KAZN: variants seen among roughly 807,000 people sequenced by gnomAD.
KAZN encodes the protein kazrin.
In KAZN, 40 loss-of-function variants were observed where a neutral mutation model predicts 87.4. That is an observed-to-expected ratio of 0.46 (90% confidence interval 0.36 to 0.60). KAZN has a LOEUF of 0.60. KAZN is among the 20% of genes least tolerant of loss of function. The pLI, the probability that KAZN is intolerant of heterozygous loss-of-function variation, is 0.00. For synonymous variants in KAZN, 466 were observed against 458.3 expected, an observed-to-expected ratio of 1.02 and a Z score of -0.22; for missense variants, 898 against 1,073.9, an observed-to-expected ratio of 0.84 and a Z score of 2.29.
chr1:13,958,368 A>T (rs1232125897), intron 1 of KAZN, among the ~76,000 whole-genome samples: 1 of 152,088 alleles, frequency 6.6e-6, no homozygotes, highest in Non-Finnish European at 1.5e-5. Flanking sequence ...CAGAGGATAG[A>T]GACCATCCTG....
chr1:14,986,983 C>CA (rs1553167685), intron 2 of KAZN, among the ~76,000 whole-genome samples: 22 of 151,892 alleles, frequency 1.4e-4, no homozygotes, highest in African/African-American at 5.3e-4. Flanking sequence ...AATTGACCTC[C>CA]GATGCATGCC....
chr1:14,775,100 A>T (rs1236083675), intron 1 of KAZN, among the ~76,000 whole-genome samples: 1 of 152,116 alleles, frequency 6.6e-6, no homozygotes, highest in East Asian at 1.9e-4. Context: ...TTTACAATAG[A>T]CAGTGCTTGG....
At chr1:14,159,961 G>T in intron 1 of KAZN, among the ~76,000 whole-genome samples, 1 of 152,198 alleles carries the variant, frequency 6.6e-6, no homozygotes, top group Non-Finnish European at 1.5e-5. Flanking sequence ...CTGTGGCTGA[G>T]CTGGTATCCA....
At chr1:13,964,014 C>A (rs1454915286) in intron 1 of KAZN, among the ~76,000 whole-genome samples, 1 of 152,164 alleles carries the variant, frequency 6.6e-6, no homozygotes, top group African/African-American at 2.4e-5. Context: ...GCTGATTGAT[C>A]ACAGAGCTTG....
chr1:14,950,090 A>G (rs182135477), intron 1 of KAZN, among the ~76,000 whole-genome samples: 72 of 152,146 alleles, frequency 4.7e-4, no homozygotes, highest in African/African-American at 1.6e-3. Context: ...CTCCACACCC[A>G]CCCGTAGTAA....
In KAZN at chr1:14,292,286, G is replaced by A. The variant is rs903181055; in HGVS notation, c.249+111694G>A. On this transcript the variant is annotated intron_variant, in intron 2 of 16. Coordinates refer to the KAZN transcript ENST00000636203. ...CTTTTGTCTTCTGATCAGCTCAGCT[G>A]TTTTCTGTTCTGGCAGTATTCAGGG... Among the ~76,000 whole-genome samples, 4 of 152,336 alleles carry A rather than the reference G, an allele frequency of 2.6e-5. No homozygotes were observed. The South Asian group carries it at 8.3e-4, about 32-fold the overall frequency.
chr1:14,255,050 G>A (rs1309438045), intron 2 of KAZN, among the ~76,000 whole-genome samples: 4 of 150,102 alleles, frequency 2.7e-5, no homozygotes, highest in Non-Finnish European at 4.4e-5. Flanking sequence ...GAACCGGGAG[G>A]CAGAGGTTGC....
chr1:15,070,278 C>T (rs10803347), intron 8 of KAZN, among the ~76,000 whole-genome samples: 1 of 152,138 alleles, frequency 6.6e-6, no homozygotes, highest in Non-Finnish European at 1.5e-5. Flanking sequence ...TTTTGTGACT[C>T]AGTCTGTTTC....
At position 14,960,792 on chromosome 1, in the gene KAZN, C is replaced by A. The variant is rs146940193; in HGVS notation, c.335C>A (p.Ser112Tyr). 5.3e-5 allele frequency: 85 copies of A among 1,612,304 alleles called. No homozygotes were observed. Among genetic ancestry groups the A allele is most frequent in the Admixed American group, 3.0e-4 (18 of 59,814 alleles). ...DLEESQGGKSSEVLSATELRV... is the reference protein window; with the variant it reads ...DLEESQGGKSYEVLSATELRV... ...GAGGAGTCGCAGGGCGGCAAGTCCT[C>A]TGAGGTCCTCTCGGCCACCGAGCTC... The change falls in exon 2 of 15, where the codon TCT (serine) becomes TAT (tyrosine). Residue 112 changes from serine to tyrosine, a missense_variant. Ser to Tyr is a moderately radical substitution (Grantham distance 144). Around this residue, in one of 3 missense-constraint regions of KAZN, gnomAD observed 250 missense variants for 263.0 expected, o/e 0.95. Transcript: ENST00000376030.
intron 1 of KAZN, among the ~76,000 whole-genome samples, chr1:13,972,265 T>TC (rs1227080181): frequency 6.8e-6 from 1 of 147,054 alleles, no homozygotes; most frequent in African/African-American, 2.5e-5. Context: ...ACTTTTTTTC[T>TC]TTTTTCTTTT....
chr1:14,928,891 G>A (rs1659478519), intron 1 of KAZN, among the ~76,000 whole-genome samples: 1 of 152,210 alleles, frequency 6.6e-6, no homozygotes, highest in Non-Finnish European at 1.5e-5. Flanking sequence ...ACCCTGTGTT[G>A]TGGTCCAGTG....
intron 2 of KAZN, among the ~76,000 whole-genome samples, chr1:14,259,062 G>A (rs915085841): frequency 6.6e-6 from 1 of 151,992 alleles, no homozygotes; most frequent in Non-Finnish European, 1.5e-5. Flanking sequence ...AACGAGCTGC[G>A]GGACAGATGA....
intron 2 of KAZN, among the ~76,000 whole-genome samples, chr1:14,563,874 C>CTTGTTTTTTTTTTTTTTTTTT (rs1674393353): frequency 1.0e-5 from 1 of 97,928 alleles, no homozygotes. Flanking sequence ...GTTCAAACTC[C>CTTGTTTTTTTTTTTTTTTTTT]TTTTTTTTTT....
At chr1:15,080,586 T>G (rs1639950525) in intron 8 of KAZN, among the ~76,000 whole-genome samples, 1 of 152,208 alleles carries the variant, frequency 6.6e-6, no homozygotes, top group Non-Finnish European at 1.5e-5. Flanking sequence ...ATGGGGCTTG[T>G]GACTGAGGGA....
At chr1:14,494,938 C>T (rs1213053905) in intron 2 of KAZN, among the ~76,000 whole-genome samples, 1 of 152,018 alleles carries the variant, frequency 6.6e-6, no homozygotes, top group Non-Finnish European at 1.5e-5. Context: ...CACAGCTGAC[C>T]CACTAGAATG....
intron 2 of KAZN, among the ~76,000 whole-genome samples, chr1:14,577,987 T>C (rs1675296727): frequency 6.6e-6 from 1 of 152,150 alleles, no homozygotes; most frequent in South Asian, 2.1e-4. Flanking sequence ...CTACTAGCTC[T>C]GTGTCCTTGG....
intron 1 of KAZN, among the ~76,000 whole-genome samples, chr1:14,808,593 C>T (rs1390943151): frequency 3.3e-5 from 5 of 151,880 alleles, no homozygotes; most frequent in Non-Finnish European, 5.9e-5. Context: ...CCACTGCACC[C>T]GGCCAAGGTT....
intron 1 of KAZN, among the ~76,000 whole-genome samples, chr1:14,892,829 A>G (rs1454426060): frequency 6.6e-6 from 1 of 152,120 alleles, no homozygotes; most frequent in Non-Finnish European, 1.5e-5. Flanking sequence ...TTGTATCTCC[A>G]ATACCTACAC....
intron 1 of KAZN, among the ~76,000 whole-genome samples, chr1:14,843,923 A>G (rs1019042219): frequency 4.6e-5 from 7 of 152,316 alleles, no homozygotes; most frequent in African/African-American, 1.7e-4. Context: ...GACACACTGA[A>G]TCTTGCAACA....
Sources: allele counts gnomAD v4.1 joint callset (sites outside exome capture counted in the v4.1 genomes callset), GRCh38; gene constraint gnomAD v4.1.1; regional missense constraint gnomAD v4.1.1; transcripts MANE v1.5; gene names NCBI Gene and HGNC (gene_info 2026-07-23, HGNC 2026-07-21).